WNT2: variants seen among roughly 807,000 people sequenced by gnomAD.
WNT2 encodes protein Wnt-2.
Under a neutral mutation model 36.9 loss-of-function variants are expected in WNT2, and 12 were observed. That is an observed-to-expected ratio of 0.33 (90% CI 0.21 to 0.53). WNT2 has a LOEUF of 0.53. Among genes scored for constraint, WNT2 ranks in the 20% least tolerant of loss-of-function variants. WNT2 has a pLI of 0.95. For synonymous variants in WNT2, 163 were observed against 174.6 expected (o/e 0.93, Z 0.52); for missense variants, 379 against 473.1 (o/e 0.80, Z 1.84).
intron 3 of WNT2, among the ~76,000 whole-genome samples, chr7:117,298,194 C>G (rs1794831356): frequency 6.6e-6 from 1 of 152,064 alleles, no homozygotes; most frequent in Non-Finnish European, 1.5e-5. Context: ...GAATTATTTT[C>G]TAAATAAATA....
At position 117,315,202 on chromosome 7, in the gene WNT2, C is replaced by A. The variant is rs1795193695; in HGVS notation, c.457G>T (p.Asp153Tyr). 6.2e-7 allele frequency: 1 copy of A among 1,614,184 alleles called. No homozygotes were observed. The highest frequency in any genetic ancestry group is 8.5e-7 in the Non-Finnish European group (1 of 1,180,020). The change falls in exon 3 of 5, where the codon GAT becomes TAT. Residue 153 changes from aspartate (D) to tyrosine (Y), a missense_variant. Physicochemically the swap from Asp to Tyr is radical, Grantham distance 160. Transcript: ENST00000265441. ...ATGTTATCACTGCAGCCACCCCAAT[C>A]AAAAATGCCTTTGCTGTCCTTGGCG... is the stretch of plus-strand genomic sequence containing the variant. ...GSAKDSKGIF[D>Y]WGGCSDNIDY...
rs1562833701 is a variant in WNT2, at chr7:117,322,863, A to G, written c.83+44T>C. On this transcript the variant is annotated intron_variant, in intron 1 of 4. Coordinates refer to ENST00000265441, the MANE Select transcript of WNT2 (RefSeq NM_003391.3). This position sits in a 1 kb window ranked among gnomAD's most constrained non-coding sequence, Gnocchi z 5.4. ...GGTCTATGTGGCCAATGCGGTCCCC[A>G]TTCCGATCTCCAAAATCCCCCGCGC... 1 of 1,592,264 alleles carries G rather than the reference A, an allele frequency of 6.3e-7. No homozygotes were observed. The highest frequency in any genetic ancestry group is 8.6e-7 in the Non-Finnish European group (1 of 1,167,720).
intron 3 of WNT2, among the ~76,000 whole-genome samples, chr7:117,308,796 G>C (rs970388997): frequency 6.6e-6 from 1 of 152,118 alleles, no homozygotes; most frequent in Non-Finnish European, 1.5e-5. Context: ...CTTTCTAAGA[G>C]TGTGATTTCT....
chr7:117,317,314 G>T (rs1490655172), intron 2 of WNT2, among the ~76,000 whole-genome samples: 1 of 152,164 alleles, frequency 6.6e-6, no homozygotes, highest in African/African-American at 2.4e-5. Flanking sequence ...TTAACTTGTT[G>T]ACTGAAAGAA....
At chr7:117,305,627 G>A (rs1421542085) in intron 3 of WNT2, among the ~76,000 whole-genome samples, 1 of 152,128 alleles carries the variant, frequency 6.6e-6, no homozygotes, top group Non-Finnish European at 1.5e-5. Context: ...TGGGGCTTGT[G>A]GACCAAAAAA....
rs894526310 is a variant in WNT2 at position 117,284,478 on chromosome 7, T to G, written c.854-6094A>C. Among the ~76,000 whole-genome samples the G allele has an allele frequency of 2.6e-5, 4 of 152,166 alleles. No homozygotes were observed. The highest frequency in any genetic ancestry group is 5.9e-5 in the Non-Finnish European group (4 of 68,044). ...GTTTTTTCTCAAATAATATACAAAC[T>G]TGTTAACTGAGTCACTCACCCTTGC... On this transcript the variant is annotated intron_variant, in intron 4 of 4. Transcript: ENST00000265441. This position sits in a 1 kb window ranked among gnomAD's most constrained non-coding sequence, Gnocchi z 5.2.
intron 3 of WNT2, among the ~76,000 whole-genome samples, chr7:117,308,060 G>A (rs1391583530): frequency 6.6e-6 from 1 of 152,188 alleles, no homozygotes; most frequent in African/African-American, 2.4e-5. Context: ...TCACCTGCTG[G>A]CTTGAAGCCA....
chr7:117,317,973 G>A (rs115582427), intron 2 of WNT2, among the ~76,000 whole-genome samples: 3,204 of 152,238 alleles, frequency 0.021, 112 homozygotes, highest in African/African-American at 0.073. Context: ...TATTCTTGCA[G>A]GAATATTTTT....
At chr7:117,314,230 G>A (rs560254805) in intron 3 of WNT2, among the ~76,000 whole-genome samples, 25 of 152,308 alleles carry the variant, frequency 1.6e-4, no homozygotes, top group Non-Finnish European at 3.2e-4. Context: ...ATCAAGTACA[G>A]CATTAAATTC....
intron 4 of WNT2, among the ~76,000 whole-genome samples, chr7:117,289,961 G>A (rs1006165260): frequency 6.6e-6 from 1 of 152,130 alleles, no homozygotes; most frequent in Admixed American, 6.5e-5. Flanking sequence ...GCAGGTTTAT[G>A]CTTGACCATG....
Position 117,284,954 on chromosome 7 carries a change from G to A in WNT2, c.854-6570C>T, listed in dbSNP as rs899362845. Among the ~76,000 whole-genome samples the A allele has an allele frequency of 5.3e-5, 8 of 152,226 alleles. No homozygotes were observed. The highest frequency in any genetic ancestry group is 1.7e-4 in the African/African-American group (7 of 41,464). Reference sequence around the variant, plus strand: ...TGTAGAGCTCAAGCTCTTGACAGTCGTGACATTCTGACCCTTTGCCGAGTG... The same window carrying A: ...TGTAGAGCTCAAGCTCTTGACAGTCATGACATTCTGACCCTTTGCCGAGTG... On this transcript the variant is annotated intron_variant, in intron 4 of 4. Coordinates refer to ENST00000265441, the MANE Select transcript of WNT2 (RefSeq NM_003391.3). This position sits in a 1 kb window ranked among gnomAD's most constrained non-coding sequence, Gnocchi z 5.2.
intron 4 of WNT2, among the ~76,000 whole-genome samples, chr7:117,293,304 A>C (rs886422017): frequency 2.0e-5 from 3 of 152,192 alleles, no homozygotes; most frequent in Non-Finnish European, 4.4e-5. Flanking sequence ...TACCTTGGAC[A>C]GGAAGCAGTT....
chr7:117,277,692 G>A lies in WNT2; in HGVS notation c.*463C>T, dbSNP rs942192930. 2 of 164,530 alleles carry A rather than the reference G, an allele frequency of 1.2e-5. No individual in the cohort carries two copies. Among genetic ancestry groups the A allele is most frequent in the African/African-American group, 2.4e-5 (1 of 41,744 alleles). The allele number at this position is 164,530 out of a possible 1,614,324, so 10.2% of individuals were successfully genotyped here. ...CTTTTCAAAAGTTAAAGTTAAGTCA[G>A]GGGCAGTTGATTCTGCTTTCTTTAC... is the stretch of plus-strand genomic sequence containing the variant. On this transcript the variant is annotated 3_prime_UTR_variant, in exon 5 of 5. Transcript: ENST00000265441.
chr7:117,295,764 C>G (rs1022513881), intron 4 of WNT2, among the ~76,000 whole-genome samples: 1 of 152,238 alleles, frequency 6.6e-6, no homozygotes, highest in Non-Finnish European at 1.5e-5. Context: ...CATCCACCCT[C>G]TCCTACCGGT....
At chr7:117,278,416 A>C in intron 4 of WNT2, 32 bp from the exon 5 acceptor site, 1 of 1,591,348 alleles carries the variant, frequency 6.3e-7, no homozygotes, top group Non-Finnish European at 8.6e-7. Flanking sequence ...GTTACTGAAA[A>C]GGTCTGGGTG....
At chr7:117,304,682 C>T (rs1047610150) in intron 3 of WNT2, among the ~76,000 whole-genome samples, 17 of 152,150 alleles carry the variant, frequency 1.1e-4, no homozygotes, top group Admixed American at 2.6e-4. Flanking sequence ...ATGATCCACC[C>T]GCCTTGGCCT....
chr7:117,315,004 T>C, intron 3 of WNT2, 67 bp downstream of exon 3: 4 of 1,563,006 alleles, frequency 2.6e-6, no homozygotes, highest in Non-Finnish European at 3.5e-6. Flanking sequence ...AAGTTTAAGA[T>C]AAGCTCTGCC....
At position 117,309,937 on chromosome 7, in the gene WNT2, A is replaced by G. The variant is rs74848922; in HGVS notation, c.588+5134T>C. On this transcript the variant is annotated intron_variant, in intron 3 of 4. Transcript: ENST00000265441. ...TTCAAAGAGAGGCAAATTTCTCACA[A>G]TTTTCCTAGTAAATCTATTTTTTTT... Among the ~76,000 whole-genome samples the G allele has an allele frequency of 9.6e-3, 1,466 of 152,008 alleles. 87 individuals are homozygous for G. The South Asian group carries it at 0.16, about 16-fold the overall frequency.
chr7:117,305,408 G>A (rs1794995827), intron 3 of WNT2, among the ~76,000 whole-genome samples: 1 of 152,042 alleles, frequency 6.6e-6, no homozygotes, highest in Non-Finnish European at 1.5e-5. Context: ...GTTTCTGTGA[G>A]GAAACTGATT....
Sources: allele counts gnomAD v4.1 joint callset (sites outside exome capture counted in the v4.1 genomes callset), GRCh38; gene constraint gnomAD v4.1.1; non-coding constraint Gnocchi (gnomAD v3.1); transcripts MANE v1.5; gene names NCBI Gene and HGNC (gene_info 2026-07-23, HGNC 2026-07-21).